The following FNDC7 variants were observed in gnomAD, a reference collection of about 807,000 sequenced individuals.
FNDC7 encodes the protein fibronectin type III domain containing 7.
In FNDC7, 66 loss-of-function variants were observed where a neutral mutation model predicts 74.2. The observed-to-expected ratio is 0.89, with a 90% CI of 0.73 to 1.09. FNDC7 has a LOEUF of 1.09. Among genes scored for constraint, FNDC7 ranks in the 50% least tolerant of loss-of-function variants. The probability of loss-of-function intolerance (pLI) is 0.00; values close to 1 mark genes in which losing one functional copy is unlikely to be tolerated. For missense variants in FNDC7, 829 were observed against 893.4 expected, an observed-to-expected ratio of 0.93 and a Z score of 0.92; for synonymous variants, 307 against 330.2, an observed-to-expected ratio of 0.93 and a Z score of 0.76.
chr1:108,718,303 T>C (rs1661022134), intron 3 of FNDC7, among the ~76,000 whole-genome samples: 1 of 152,226 alleles, frequency 6.6e-6, no homozygotes, highest in Non-Finnish European at 1.5e-5. Context: ...AAATAGGGAT[T>C]TCTGGTTTTA....
intron 10 of FNDC7, among the ~76,000 whole-genome samples, chr1:108,736,511 A>G (rs1334198122): frequency 2.0e-5 from 3 of 152,228 alleles, no homozygotes; most frequent in African/African-American, 7.2e-5. Flanking sequence ...TATATTTGAA[A>G]TTTAAAAAAG....
intron 10 of FNDC7, among the ~76,000 whole-genome samples, chr1:108,735,977 T>A (rs1661503555): frequency 3.3e-5 from 5 of 152,082 alleles, no homozygotes; most frequent in Admixed American, 1.3e-4. Flanking sequence ...GGCTAATTTT[T>A]AAAATTTTTT....
At chr1:108,724,157 T>A (rs1002699665) in intron 5 of FNDC7, among the ~76,000 whole-genome samples, 5 of 152,236 alleles carry the variant, frequency 3.3e-5, no homozygotes, top group Non-Finnish European at 7.3e-5. Flanking sequence ...CAGAAGATTT[T>A]GTTCCATCAA....
rs141115851 is a variant in FNDC7 at position 108,742,131 on chromosome 1, T to A, written c.*244T>A. ...TCTGGAGAGAAATGAATCCAGAAAG[T>A]CCCCTGGACGGCTGCTAGCCTGAGT... On this transcript the variant is annotated 3_prime_UTR_variant, in exon 13 of 13. Transcript: ENST00000370017. 241 of 347,886 alleles carry A rather than the reference T, an allele frequency of 6.9e-4. No individual in the cohort carries two copies. The highest frequency in any genetic ancestry group is 4.9e-3 in the African/African-American group (229 of 46,370). The allele number at this position is 347,886 out of a possible 1,614,324, so 21.5% of individuals were successfully genotyped here. A position where few individuals can be genotyped will look rare whatever the true frequency, so the allele number is the denominator to read the frequency against.
Position 108,733,312 on chromosome 1 carries a change from C to T in FNDC7, c.1920C>T (p.Gly640=). ...TGGGGGTGAAATTATATAGGCTGGGCCCTAATGGCATCCGGATCTACTGGC... is the reference window on the plus strand; with the variant it reads ...TGGGGGTGAAATTATATAGGCTGGGTCCTAATGGCATCCGGATCTACTGGC... ...CPLGVKLYRL[G]PNGIRIYWQA... is the part of the protein sequence containing the mutation. The change falls in exon 10 of 13, where the codon GGC becomes GGT. Residue 640 remains glycine, a synonymous_variant. Coordinates refer to ENST00000370017, the MANE Select transcript of FNDC7 (RefSeq NM_001144937.3). The T allele has an allele frequency of 6.2e-7, 1 of 1,614,066 alleles. No homozygotes were observed. The highest frequency in any genetic ancestry group is 8.5e-7 in the Non-Finnish European group (1 of 1,180,012).
At position 108,735,187 on chromosome 1, in the gene FNDC7, C is replaced by T. The variant is rs983727976; in HGVS notation, c.2140+1655C>T. 2.0e-5 allele frequency among the ~76,000 whole-genome samples: 3 copies of T among 152,186 alleles called. No individual in the cohort carries two copies. The East Asian group carries it at 5.8e-4, about 29-fold the overall frequency. On this transcript the variant is annotated intron_variant, in intron 10 of 12. Transcript: ENST00000370017. ...CCATATCTAAGTAATCTCGAATTCT[C>T]GTCCTGGTCACCTTCATGATGGTTC...
At position 108,727,813 on chromosome 1, in the gene FNDC7, T is replaced by G. The variant is rs773140781; in HGVS notation, c.1117T>G (p.Cys373Gly). Residue 373 changes from cysteine (C) to glycine (G), a missense_variant, in exon 7 of 13, where the codon TGT (cysteine) becomes GGT (glycine). Physicochemically the swap from Cys to Gly is radical, Grantham distance 159. Transcript: ENST00000370017. ...CCCTCTGCTCCTGCTTTCAGCTCCC[T>G]GTTGTCCTAGTGACATTAACCCCGT... Reference protein sequence around the residue: ...GDIFNYTTAPCCPSDINPVLV... With the variant: ...GDIFNYTTAPGCPSDINPVLV... 6.2e-7 allele frequency: 1 copy of G among 1,614,164 alleles called. No homozygotes were observed.
intron 5 of FNDC7, among the ~76,000 whole-genome samples, chr1:108,723,950 G>C (rs1190481839): frequency 6.6e-6 from 1 of 152,180 alleles, no homozygotes; most frequent in African/African-American, 2.4e-5. Flanking sequence ...GATGTTCTAA[G>C]GCAGTTTGTG....
At chr1:108,738,165 G>A (rs2101091656) in intron 11 of FNDC7, among the ~76,000 whole-genome samples, 1 of 152,336 alleles carries the variant, frequency 6.6e-6, no homozygotes, top group East Asian at 1.9e-4. Context: ...GGAGTAGCCA[G>A]GAGTTAGAGA....
intron 1 of FNDC7, 90 bp downstream of exon 1, chr1:108,713,086 G>A (rs1022001646): frequency 5.2e-6 from 6 of 1,153,814 alleles, no homozygotes; most frequent in Middle Eastern, 2.0e-4. Context: ...GAGGAGTTGG[G>A]GAATAGGGAG....
intron 4 of FNDC7, among the ~76,000 whole-genome samples, chr1:108,720,739 A>G (rs540194487): frequency 2.0e-5 from 3 of 152,264 alleles, no homozygotes; most frequent in South Asian, 2.1e-4. Context: ...AATTTTCCCT[A>G]TATATGTGTA....
At chr1:108,716,808 T>C (rs899888105) in intron 2 of FNDC7, among the ~76,000 whole-genome samples, 3 of 152,170 alleles carry the variant, frequency 2.0e-5, no homozygotes, top group South Asian at 2.1e-4. Flanking sequence ...GTTTTGAATT[T>C]GACATATAGT....
Position 108,722,470 on chromosome 1 carries a change from G to A in FNDC7, c.734G>A (p.Ser245Asn). Reference protein sequence around the residue: ...ALSDSSELTCSTTFSSCTISS... With the variant: ...ALSDSSELTCNTTFSSCTISS... ...AGCGACTCTTCAGAGCTGACCTGCA[G>A]TACAACTTTCAGTTCCTGCACCATC... Residue 245 changes from serine to asparagine, a missense_variant, in exon 5 of 13, where the codon AGT becomes AAT. Physicochemically the swap from Ser to Asn is conservative, Grantham distance 46. Transcript: ENST00000370017. 6.2e-7 allele frequency: 1 copy of A among 1,614,218 alleles called. No individual in the cohort carries two copies. The highest frequency in any genetic ancestry group is 8.5e-7 in the Non-Finnish European group (1 of 1,180,046).
chr1:108,726,649 G>A (rs2101083068), intron 6 of FNDC7, among the ~76,000 whole-genome samples: 1 of 151,832 alleles, frequency 6.6e-6, no homozygotes, highest in African/African-American at 2.4e-5. Flanking sequence ...TACAAGGCAG[G>A]AATTATGTCT....
chr1:108,715,146 T>C lies in FNDC7; in HGVS notation c.82+1617T>C, dbSNP rs966921782. Among the ~76,000 whole-genome samples the C allele has an allele frequency of 3.3e-5, 5 of 152,148 alleles. No homozygotes were observed. In the East Asian group the frequency reaches 9.6e-4, roughly 29 times the overall value. On this transcript the variant is annotated intron_variant, in intron 2 of 12. Coordinates refer to ENST00000370017, the MANE Select transcript of FNDC7 (RefSeq NM_001144937.3). ...TAGCTACACTGTATAGAAGGTTTCA[T>C]TTTGGTTGTGTGTGTTTTGATTCTC...
At chr1:108,715,517 A>G (rs1460193045) in intron 2 of FNDC7, among the ~76,000 whole-genome samples, 3 of 152,158 alleles carry the variant, frequency 2.0e-5, no homozygotes, top group African/African-American at 7.2e-5. Flanking sequence ...TAAAACAGAC[A>G]ATCTCTCTCT....
chr1:108,719,039 T>A lies in FNDC7; in HGVS notation c.588T>A (p.Asn196Lys), dbSNP rs1452999341. Residue 196 changes from asparagine (N) to lysine (K), a missense_variant, in exon 4 of 13, where the codon AAT (asparagine) becomes AAA (lysine). Physicochemically the swap from Asn to Lys is moderately conservative, Grantham distance 94. Coordinates refer to ENST00000370017, the MANE Select transcript of FNDC7 (RefSeq NM_001144937.3). ...NRIPGDDSTC[N>K]QRTSPRAPAN... ...TCCCTGGGGATGACTCCACCTGCAA[T>A]CAGAGAACAAGTAAGAACTTCTCAG... 1 of 1,552,056 alleles carries A rather than the reference T, an allele frequency of 6.4e-7. No individual in the cohort carries two copies. Among genetic ancestry groups the A allele is most frequent in the African/African-American group, 1.4e-5 (1 of 73,042 alleles).
rs770019740 is a variant in FNDC7, at chr1:108,733,382, T to C, written c.1990T>C (p.Ser664Pro). The change falls in exon 10 of 13, where the codon TCC (serine) becomes CCC (proline). Residue 664 changes from serine to proline, a missense_variant. Ser to Pro is a moderately conservative substitution (Grantham distance 74, BLOSUM62 -1). Coordinates refer to ENST00000370017, the MANE Select transcript of FNDC7 (RefSeq NM_001144937.3). The part of the protein sequence containing the change: ...SANYSTDLYG[S>P]KGIFTCTPSA... ...CAATTACAGCACTGACCTCTATGGC[T>C]CCAAAGGCATTTTCACGTGCACCCC... 1.2e-6 allele frequency: 2 copies of C among 1,614,144 alleles called. No homozygotes were observed. Among genetic ancestry groups the C allele is most frequent in the East Asian group, 4.5e-5 (2 of 44,864 alleles).
At chr1:108,722,829 T>G (rs1444731429) in intron 5 of FNDC7, among the ~76,000 whole-genome samples, 2 of 152,236 alleles carry the variant, frequency 1.3e-5, no homozygotes, top group African/African-American at 4.8e-5. Context: ...CTATTCCAGA[T>G]CTTTCATTAA....
Sources: allele counts gnomAD v4.1 joint callset (sites outside exome capture counted in the v4.1 genomes callset), GRCh38; gene constraint gnomAD v4.1.1; transcripts MANE v1.5; gene names NCBI Gene and HGNC (gene_info 2026-07-23, HGNC 2026-07-21).